Variants in CCSER2 observed in about 807,000 individuals in gnomAD.
CCSER2 encodes the protein coiled-coil serine rich protein 2.
CCSER2 carries 46 observed loss-of-function variants against 92.3 expected under a neutral mutation model. That is an observed-to-expected ratio of 0.50 (90% CI 0.39 to 0.64). The LOEUF is 0.64. Ranked by LOEUF, CCSER2 falls within the 30% of genes least tolerant of loss-of-function variation. The probability of loss-of-function intolerance (pLI) is 0.00; values close to 1 mark genes in which losing one functional copy is unlikely to be tolerated. For missense variants in CCSER2, 1,244 were observed against 1,238.9 expected (o/e 1.00, Z -0.06); for synonymous variants, 433 against 431.4 (o/e 1.00, Z -0.04).
chr10:84,340,725 G>A (rs751507356), intron 1 of CCSER2, among the ~76,000 whole-genome samples: 1 of 150,512 alleles, frequency 6.6e-6, no homozygotes, highest in Non-Finnish European at 1.5e-5. Context: ...TCCCCCTCTT[G>A]GCTTCTCCAT....
At chr10:84,332,923 A>ATG (rs1235405392) in intron 1 of CCSER2, among the ~76,000 whole-genome samples, 1 of 152,116 alleles carries the variant, frequency 6.6e-6, no homozygotes, top group African/African-American at 2.4e-5. Context: ...TCATTTTGTT[A>ATG]TGTATATATA....
intron 1 of CCSER2, among the ~76,000 whole-genome samples, chr10:84,363,232 G>A (rs1845605741): frequency 6.7e-6 from 1 of 150,238 alleles, no homozygotes; most frequent in Non-Finnish European, 1.5e-5. Flanking sequence ...GACCTCAGGT[G>A]ATCCACCTGC....
At chr10:84,342,640 C>A (rs974790753) in intron 1 of CCSER2, among the ~76,000 whole-genome samples, 8 of 152,176 alleles carry the variant, frequency 5.3e-5, no homozygotes, top group Admixed American at 2.6e-4. Flanking sequence ...CTACATGAAC[C>A]TTTCATGCAG....
rs988656910 is a variant in CCSER2, at chr10:84,470,478, G to A, written c.2235+20G>A. 1.5e-6 allele frequency: 2 copies of A among 1,371,756 alleles called. No individual in the cohort carries two copies. Among genetic ancestry groups the A allele is most frequent in the Non-Finnish European group, 9.6e-7 (1 of 1,046,286 alleles). The allele number at this position is 1,371,756 out of a possible 1,614,324, so 85.0% of individuals were successfully genotyped here. A position where few individuals can be genotyped will look rare whatever the true frequency, so the allele number is the denominator to read the frequency against. ...CAGCTTGTAAGTATTGTAGTATAAT[G>A]TATAGAGACTTTTCAAACTGGGTGA... On this transcript the variant is annotated intron_variant, in intron 8 of 9. Transcript: ENST00000372088.
At chr10:84,376,785 GT>G (rs1846361890) in intron 3 of CCSER2, among the ~76,000 whole-genome samples, 1 of 152,052 alleles carries the variant, frequency 6.6e-6, no homozygotes, top group Admixed American at 6.6e-5. Context: ...GATTGTGCCT[GT>G]TTACACTCCC....
At chr10:84,407,041 GT>G (rs759193079) in intron 3 of CCSER2, among the ~76,000 whole-genome samples, 10 of 152,166 alleles carry the variant, frequency 6.6e-5, no homozygotes, top group Non-Finnish European at 1.0e-4. Context: ...TTAGAATTCA[GT>G]AATCTTACTC....
intron 3 of CCSER2, among the ~76,000 whole-genome samples, chr10:84,408,813 T>A (rs1842500789): frequency 6.6e-6 from 1 of 152,090 alleles, no homozygotes; most frequent in Non-Finnish European, 1.5e-5. Flanking sequence ...TACCCAACAC[T>A]GTCTTGTTTC....
chr10:84,341,097 G>A (rs1372448134), intron 1 of CCSER2, among the ~76,000 whole-genome samples: 1 of 143,136 alleles, frequency 7.0e-6, no homozygotes, highest in Non-Finnish European at 1.5e-5. Context: ...CTGGCGTGCA[G>A]TGGCTTGATT....
At chr10:84,443,206 A>G (rs1039130169) in intron 6 of CCSER2, among the ~76,000 whole-genome samples, 1 of 152,226 alleles carries the variant, frequency 6.6e-6, no homozygotes, top group African/African-American at 2.4e-5. Context: ...CAGAGTGAAG[A>G]GGCAACCTAG....
At chr10:84,364,752 T>TTTTG (rs1845691631) in intron 1 of CCSER2, among the ~76,000 whole-genome samples, 1 of 151,356 alleles carries the variant, frequency 6.6e-6, no homozygotes, top group South Asian at 2.1e-4. Flanking sequence ...TTTTGTTTTT[T>TTTTG]TTTTTTTGAG....
intron 8 of CCSER2, among the ~76,000 whole-genome samples, chr10:84,472,677 ATGTAAAAGG>A (rs1208184092): frequency 4.6e-5 from 7 of 152,340 alleles, no homozygotes; most frequent in South Asian, 2.1e-4. Context: ...ACAAAGATTT[ATGTAAAAGG>A]TCACTTTATA....
intron 3 of CCSER2, among the ~76,000 whole-genome samples, chr10:84,394,579 T>C (rs1841722150): frequency 1.3e-5 from 2 of 151,986 alleles, no homozygotes; most frequent in Admixed American, 1.3e-4. Context: ...AAAATCATGA[T>C]GTGTGAGAGG....
intron 1 of CCSER2, among the ~76,000 whole-genome samples, chr10:84,368,385 A>G (rs554350426): frequency 1.3e-4 from 20 of 152,154 alleles, no homozygotes; most frequent in South Asian, 1.2e-3. Context: ...TTTTCTGCTG[A>G]AAAAAACCAC....
intron 9 of CCSER2, chr10:84,500,068 T>C (rs1346185601): frequency 2.0e-5 from 29 of 1,450,362 alleles, no homozygotes; most frequent in Non-Finnish European, 2.5e-5. Context: ...CTGAGTGCTC[T>C]GCAGGCATCT....
intron 3 of CCSER2, among the ~76,000 whole-genome samples, chr10:84,379,221 A>C (rs1374831689): frequency 6.6e-6 from 1 of 152,120 alleles, no homozygotes; most frequent in Non-Finnish European, 1.5e-5. Flanking sequence ...TTTCATCTAA[A>C]CTTGTCATTT....
chr10:84,452,551 T>G (rs905355741), intron 6 of CCSER2, among the ~76,000 whole-genome samples: 2 of 152,218 alleles, frequency 1.3e-5, no homozygotes, highest in African/African-American at 4.8e-5. Flanking sequence ...TAGAGACTGC[T>G]AAAACATTTC....
At chr10:84,463,192 T>A (rs1042965508) in intron 6 of CCSER2, among the ~76,000 whole-genome samples, 24 of 152,196 alleles carry the variant, frequency 1.6e-4, no homozygotes, top group Admixed American at 7.9e-4. Flanking sequence ...GGAACAAAAA[T>A]CTTTATTTCA....
chr10:84,421,883 G>A (rs193125509), intron 4 of CCSER2, among the ~76,000 whole-genome samples: 1 of 152,288 alleles, frequency 6.6e-6, no homozygotes, highest in East Asian at 1.9e-4. Context: ...AATGTGATTG[G>A]ACAAAAGGTT....
chr10:84,489,324 G>T (rs867468019), intron 9 of CCSER2, among the ~76,000 whole-genome samples: 6 of 152,112 alleles, frequency 3.9e-5, no homozygotes, highest in Non-Finnish European at 7.4e-5. Flanking sequence ...ATCTGTCTAA[G>T]GTTGACAGTG....
Sources: gnomAD v4.1 joint callset for allele counts (sites outside exome capture counted in the v4.1 genomes callset) on GRCh38, gnomAD v4.1.1 for gene constraint, MANE v1.5 for transcripts, NCBI Gene and HGNC (gene_info 2026-07-23, HGNC 2026-07-21) for gene names.